Variants in RABGAP1L observed in about 807,000 individuals in gnomAD.
RABGAP1L encodes the protein rab GTPase-activating protein 1-like.
A neutral mutation model predicts 137.7 loss-of-function variants in RABGAP1L; 63 were observed. The ratio of observed to expected loss-of-function variants is 0.46; its 90% confidence interval spans 0.37 to 0.56. RABGAP1L has a LOEUF of 0.56. Ranked by LOEUF, RABGAP1L falls within the 20% of genes least tolerant of loss-of-function variation. The pLI, the probability that RABGAP1L is intolerant of heterozygous loss-of-function variation, is 0.00. For missense variants in RABGAP1L, 1,095 were observed against 1,244.0 expected (o/e 0.88, Z 1.80); for synonymous variants, 431 against 433.7 (o/e 0.99, Z 0.08).
intron 15 of RABGAP1L, among the ~76,000 whole-genome samples, chr1:174,683,919 C>G (rs1010176982): frequency 6.6e-6 from 1 of 152,156 alleles, no homozygotes; most frequent in African/African-American, 2.4e-5. Context: ...TATACTGTGA[C>G]AAGGAAGTCC....
intron 11 of RABGAP1L, among the ~76,000 whole-genome samples, chr1:174,354,439 T>C: frequency 6.6e-6 from 1 of 152,184 alleles, no homozygotes; most frequent in South Asian, 2.1e-4. Context: ...TAGCTATTTA[T>C]GTATGTTCTT....
intron 17 of RABGAP1L, among the ~76,000 whole-genome samples, chr1:174,749,940 G>C (rs978923059): frequency 1.3e-4 from 20 of 151,966 alleles, no homozygotes; most frequent in African/African-American, 4.8e-4. Flanking sequence ...TGCGATCTCG[G>C]CTCATTGCAA....
chr1:174,573,455 A>G (rs1230874670), intron 13 of RABGAP1L, among the ~76,000 whole-genome samples: 2 of 152,272 alleles, frequency 1.3e-5, no homozygotes, highest in South Asian at 2.1e-4. Context: ...TTGCGATTAT[A>G]TAAGAGAAGG....
intron 19 of RABGAP1L, among the ~76,000 whole-genome samples, chr1:174,913,467 G>A (rs1660371800): frequency 6.6e-6 from 1 of 152,020 alleles, no homozygotes; most frequent in Non-Finnish European, 1.5e-5. Context: ...TTCTTGTCTT[G>A]CCTGAAGAAA....
In RABGAP1L at chr1:174,629,766, C is replaced by T. The variant is rs570408778; in HGVS notation, c.1711-7609C>T. Among the ~76,000 whole-genome samples, 70 of 152,238 alleles carry T rather than the reference C, an allele frequency of 4.6e-4. 1 individual carries two copies. Among genetic ancestry groups the T allele is most frequent in the African/African-American group, 3.8e-4 (16 of 41,566 alleles). On this transcript the variant is annotated intron_variant, in intron 13 of 25. Transcript: ENST00000681986. ...CTCGAAGTCCTGAGCTCAGGCAATCCGCCCGCCTCAGCCTCCCAAAGTGCT... is the reference window on the plus strand; with the variant it reads ...CTCGAAGTCCTGAGCTCAGGCAATCTGCCCGCCTCAGCCTCCCAAAGTGCT...
intron 13 of RABGAP1L, among the ~76,000 whole-genome samples, chr1:174,612,133 C>A (rs1362885985): frequency 6.6e-6 from 1 of 152,150 alleles, no homozygotes; most frequent in Non-Finnish European, 1.5e-5. Context: ...TGTCTTGCAC[C>A]TGTTTTCAAA....
chr1:174,455,187 T>G (rs1655908473), intron 13 of RABGAP1L, among the ~76,000 whole-genome samples: 1 of 152,162 alleles, frequency 6.6e-6, no homozygotes, highest in Non-Finnish European at 1.5e-5. Flanking sequence ...ATTCTAAAAT[T>G]CTAAGGTTTA....
intron 1 of RABGAP1L, among the ~76,000 whole-genome samples, chr1:174,170,992 G>C (rs1305662591): frequency 6.6e-6 from 1 of 152,192 alleles, no homozygotes; most frequent in Non-Finnish European, 1.5e-5. Context: ...TATTTGAAAA[G>C]TTATCTATAA....
At position 174,427,142 on chromosome 1, in the gene RABGAP1L, TTA is replaced by T. The variant is rs1162262142; in HGVS notation, c.1710+32999_1710+33000del. 7.8e-3 allele frequency among the ~76,000 whole-genome samples: 899 copies of T among 115,582 alleles called. 10 individuals carry two copies. Among genetic ancestry groups the T allele is most frequent in the African/African-American group, 0.029 (861 of 29,280 alleles). The allele number at this position is 115,582 out of a possible 152,430, so 75.8% of individuals were successfully genotyped here. ...CTGTTTAACATAAACCTCCGCATGT[TTA>T]TGTGTGTGTGTGTGTGTGTGTGTGT... On this transcript the variant is annotated intron_variant, in intron 13 of 25. Transcript: ENST00000681986.
intron 13 of RABGAP1L, among the ~76,000 whole-genome samples, chr1:174,457,018 A>G: frequency 6.6e-6 from 1 of 152,200 alleles, no homozygotes; most frequent in Non-Finnish European, 1.5e-5. Flanking sequence ...GACTCTTAAG[A>G]GTAACTCATT....
At chr1:174,171,504 A>G (rs1313077548) in intron 1 of RABGAP1L, among the ~76,000 whole-genome samples, 2 of 152,052 alleles carry the variant, frequency 1.3e-5, no homozygotes, top group East Asian at 1.9e-4. Context: ...AGCATCTAAA[A>G]TCTGTCTTAG....
chr1:174,485,133 T>C (rs1480824332), intron 13 of RABGAP1L, among the ~76,000 whole-genome samples: 1 of 152,220 alleles, frequency 6.6e-6, no homozygotes, highest in African/African-American at 2.4e-5. Context: ...GGATTACTTT[T>C]TAAATTTCTT....
At chr1:174,438,133 C>T (rs1653647703) in intron 13 of RABGAP1L, among the ~76,000 whole-genome samples, 1 of 152,084 alleles carries the variant, frequency 6.6e-6, no homozygotes, top group African/African-American at 2.4e-5. Flanking sequence ...TTGTAAAGAC[C>T]ATCGAGGCTA....
chr1:174,349,062 C>A (rs1268203380), intron 11 of RABGAP1L, among the ~76,000 whole-genome samples: 1 of 149,480 alleles, frequency 6.7e-6, no homozygotes, highest in African/African-American at 2.4e-5. Flanking sequence ...GGGCTGACCC[C>A]CCCCACCTCC....
intron 13 of RABGAP1L, among the ~76,000 whole-genome samples, chr1:174,538,816 A>G (rs971824654): frequency 6.6e-6 from 1 of 152,184 alleles, no homozygotes; most frequent in African/African-American, 2.4e-5. Flanking sequence ...CCGTAATACC[A>G]CATAGGTATA....
chr1:174,994,595 T>C lies in RABGAP1L; in HGVS notation c.*4594T>C, dbSNP rs1188685913. ...ACTTTTAATAACTATATATTATATATGGGATAAAATATATGGACTGAATTG... is the reference window on the plus strand; with the variant it reads ...ACTTTTAATAACTATATATTATATACGGGATAAAATATATGGACTGAATTG... On this transcript the variant is annotated 3_prime_UTR_variant, in exon 26 of 26. Coordinates refer to ENST00000681986, the MANE Select transcript of RABGAP1L (RefSeq NM_001366446.1). The C allele has an allele frequency of 6.6e-6, 1 of 152,230 alleles. No individual in the cohort carries two copies. The highest frequency in any genetic ancestry group is 1.5e-5 in the Non-Finnish European group (1 of 68,044). The allele number at this position is 152,230 out of a possible 1,614,324, so 9.4% of individuals were successfully genotyped here. A position where few individuals can be genotyped will look rare whatever the true frequency, so the allele number is the denominator to read the frequency against.
At chr1:174,853,825 C>T (rs1394511742) in intron 19 of RABGAP1L, among the ~76,000 whole-genome samples, 1 of 152,196 alleles carries the variant, frequency 6.6e-6, no homozygotes, top group Non-Finnish European at 1.5e-5. Flanking sequence ...TCTTGATGAG[C>T]TTTGCTAAAG....
At chr1:174,437,904 G>A (rs1228932892) in intron 13 of RABGAP1L, among the ~76,000 whole-genome samples, 2 of 152,138 alleles carry the variant, frequency 1.3e-5, no homozygotes, top group Non-Finnish European at 2.9e-5. Flanking sequence ...AAGAGAGTGG[G>A]GGCCAATATT....
At position 174,252,536 on chromosome 1, in the gene RABGAP1L, A is replaced by G; in HGVS notation, c.932A>G (p.Lys311Arg). 1 of 1,613,312 alleles carries G rather than the reference A, an allele frequency of 6.2e-7. No homozygotes were observed. Among genetic ancestry groups the G allele is most frequent in the Non-Finnish European group, 8.5e-7 (1 of 1,179,724 alleles). The change falls in exon 7 of 26, where the codon AAG becomes AGG. Residue 311 changes from lysine (K) to arginine (R), a missense_variant. Coordinates refer to ENST00000681986, the MANE Select transcript of RABGAP1L (RefSeq NM_001366446.1). ...TTCAAATTAAAGCAAGGAATAGAGA[A>G]GAAGGTTGTGATTACAGTGCAGCAA... ...FYFKLKQGIE[K>R]KVVITVQQLS...
Sources: gnomAD v4.1 joint callset for allele counts (sites outside exome capture counted in the v4.1 genomes callset) on GRCh38, gnomAD v4.1.1 for gene constraint, MANE v1.5 for transcripts, NCBI Gene and HGNC (gene_info 2026-07-23, HGNC 2026-07-21) for gene names.